Variants in TMTC1 observed in about 807,000 individuals in gnomAD.
TMTC1 encodes the protein protein O-mannosyl-transferase TMTC1.
TMTC1 carries 73 observed loss-of-function variants against 104.8 expected under a neutral mutation model. The observed-to-expected ratio is 0.70, with a 90% CI of 0.58 to 0.85. The LOEUF (loss-of-function observed/expected upper bound fraction) is 0.85. Among genes scored for constraint, TMTC1 ranks in the 40% least tolerant of loss-of-function variants. The pLI is 0.00. For synonymous variants in TMTC1, 434 were observed against 428.7 expected, an observed-to-expected ratio of 1.01 and a Z score of -0.15; for missense variants, 1,035 against 1,096.1, an observed-to-expected ratio of 0.94 and a Z score of 0.79.
intron 9 of TMTC1, among the ~76,000 whole-genome samples, chr12:29,561,210 A>G (rs1463810082): frequency 6.6e-6 from 1 of 151,904 alleles, no homozygotes; most frequent in Non-Finnish European, 1.5e-5. Context: ...AAGACATCTC[A>G]GAAGCACTTG....
intron 5 of TMTC1, among the ~76,000 whole-genome samples, chr12:29,704,895 G>A (rs1442635733): frequency 6.6e-6 from 1 of 152,194 alleles, no homozygotes; most frequent in African/African-American, 2.4e-5. Flanking sequence ...TCTTTTGATT[G>A]CAGCATATCT....
intron 9 of TMTC1, among the ~76,000 whole-genome samples, chr12:29,569,908 T>TA: frequency 6.6e-6 from 1 of 152,234 alleles, no homozygotes; most frequent in African/African-American, 2.4e-5. Context: ...CATTTATTTG[T>TA]ATTGTTTCAC....
chr12:29,525,319 A>T (rs1944310369), intron 11 of TMTC1, among the ~76,000 whole-genome samples: 1 of 151,332 alleles, frequency 6.6e-6, no homozygotes, highest in Non-Finnish European at 1.5e-5. Context: ...ATTAGCTGGG[A>T]TTACAGGCAC....
chr12:29,563,413 C>A (rs1161933151), intron 9 of TMTC1, among the ~76,000 whole-genome samples: 2 of 152,058 alleles, frequency 1.3e-5, no homozygotes, highest in Non-Finnish European at 2.9e-5. Context: ...AGAGAAGAGA[C>A]AATGGTGGGC....
At chr12:29,713,367 T>C (rs993090922) in intron 5 of TMTC1, among the ~76,000 whole-genome samples, 1 of 151,320 alleles carries the variant, frequency 6.6e-6, no homozygotes, top group Non-Finnish European at 1.5e-5. Flanking sequence ...AGAGATCCTA[T>C]TTCTTCAGTT....
At chr12:29,624,093 C>T (rs1937837813) in intron 6 of TMTC1, among the ~76,000 whole-genome samples, 1 of 152,048 alleles carries the variant, frequency 6.6e-6, no homozygotes, top group Non-Finnish European at 1.5e-5. Context: ...GATTCTCCTG[C>T]CTCAGCCTCC....
chr12:29,668,452 A>ATTTTTTTTTTTTTTTT (rs1940369316), intron 5 of TMTC1, among the ~76,000 whole-genome samples: 1 of 97,996 alleles, frequency 1.0e-5, no homozygotes, highest in Non-Finnish European at 2.0e-5. Flanking sequence ...ATACCAACTT[A>ATTTTTTTTTTTTTTTT]TCTTTTTTTT....
chr12:29,595,119 A>G (rs1221246003), intron 7 of TMTC1, among the ~76,000 whole-genome samples: 2 of 152,204 alleles, frequency 1.3e-5, no homozygotes, highest in African/African-American at 4.8e-5. Flanking sequence ...ACTTTATATT[A>G]AATTTTACTT....
At chr12:29,544,164 A>G (rs1944877777) in intron 10 of TMTC1, among the ~76,000 whole-genome samples, 1 of 151,028 alleles carries the variant, frequency 6.6e-6, no homozygotes, top group Non-Finnish European at 1.5e-5. Flanking sequence ...AATCACTTGA[A>G]CCCAGAGGCA....
intron 5 of TMTC1, among the ~76,000 whole-genome samples, chr12:29,670,433 G>T (rs1024838282): frequency 5.3e-5 from 8 of 152,230 alleles, no homozygotes; most frequent in African/African-American, 1.7e-4. Context: ...AGGCATTAAT[G>T]GTCAAATAAC....
chr12:29,516,986 A>G (rs780681869), intron 14 of TMTC1, among the ~76,000 whole-genome samples: 7 of 152,238 alleles, frequency 4.6e-5, no homozygotes, highest in Non-Finnish European at 8.8e-5. Flanking sequence ...GTATTTAGAG[A>G]TAAAGGGGAA....
chr12:29,684,072 GA>G (rs1273247319), intron 5 of TMTC1, among the ~76,000 whole-genome samples: 2 of 152,166 alleles, frequency 1.3e-5, no homozygotes, highest in Non-Finnish European at 2.9e-5. Context: ...TCAAACTCCT[GA>G]GTTCAAGCAA....
chr12:29,511,896 T>C (rs926472782), intron 17 of TMTC1, 147 bp downstream of exon 17: 26 of 795,006 alleles, frequency 3.3e-5, no homozygotes, highest in Non-Finnish European at 5.1e-5. Context: ...AACTGAGCTA[T>C]TTCACTTTTA....
chr12:29,672,608 A>G (rs1940560001), intron 5 of TMTC1, among the ~76,000 whole-genome samples: 1 of 152,178 alleles, frequency 6.6e-6, no homozygotes, highest in Admixed American at 6.5e-5. Context: ...ACTTTCTCCA[A>G]TCTAGTTTTC....
chr12:29,753,826 C>T (rs181935106), intron 4 of TMTC1, among the ~76,000 whole-genome samples: 26 of 152,284 alleles, frequency 1.7e-4, no homozygotes, highest in African/African-American at 6.0e-4. Context: ...AGAATGAATG[C>T]CTCCACTTAA....
At chr12:29,626,666 T>A (rs1938009036) in intron 6 of TMTC1, among the ~76,000 whole-genome samples, 1 of 152,122 alleles carries the variant, frequency 6.6e-6, no homozygotes, top group African/African-American at 2.4e-5. Flanking sequence ...ATGACCTAAA[T>A]ATAAGAGCTA....
intron 5 of TMTC1, among the ~76,000 whole-genome samples, chr12:29,746,370 C>A (rs925606455): frequency 6.6e-6 from 1 of 152,160 alleles, no homozygotes; most frequent in African/African-American, 2.4e-5. Flanking sequence ...ATAATACAGG[C>A]TTTCAACATA....
chr12:29,588,574 T>C (rs1386299694), intron 7 of TMTC1, among the ~76,000 whole-genome samples: 1 of 152,214 alleles, frequency 6.6e-6, no homozygotes, highest in East Asian at 1.9e-4. Flanking sequence ...AACATATCAG[T>C]GAACCAAAGA....
In TMTC1 at chr12:29,506,589, A is replaced by T. The variant is rs529189343; in HGVS notation, c.*257T>A. ...AGAAATCTGGAGTTAAACCAAACAA[A>T]AATCTGTAAAATGTGTAAATGTCAT... On this transcript the variant is annotated 3_prime_UTR_variant, in exon 18 of 18. Coordinates refer to ENST00000539277, the MANE Select transcript of TMTC1 (RefSeq NM_001193451.2). 37 of 432,122 alleles carry T rather than the reference A, an allele frequency of 8.6e-5. No individual in the cohort carries two copies. Among genetic ancestry groups the T allele is most frequent in the African/African-American group, 7.3e-4 (37 of 50,628 alleles). The allele number at this position is 432,122 out of a possible 1,614,324, so 26.8% of individuals were successfully genotyped here.
Sources: gnomAD v4.1 joint callset for allele counts (sites outside exome capture counted in the v4.1 genomes callset) on GRCh38, gnomAD v4.1.1 for gene constraint, MANE v1.5 for transcripts, NCBI Gene and HGNC (gene_info 2026-07-23, HGNC 2026-07-21) for gene names.